Variants in CDH4 observed in about 807,000 individuals in gnomAD.
The protein encoded by CDH4 is cadherin-4.
In CDH4, 33 loss-of-function variants were observed where a neutral mutation model predicts 86.0. The observed-to-expected ratio is 0.38, with a 90% CI of 0.29 to 0.51. The LOEUF (loss-of-function observed/expected upper bound fraction) is 0.51, where lower values mean the gene tolerates loss of function less well. Ranked by LOEUF, CDH4 falls within the 20% of genes least tolerant of loss-of-function variation. The pLI, the probability that CDH4 is intolerant of heterozygous loss-of-function variation, is 0.86. For synonymous variants in CDH4, 555 were observed against 549.4 expected (o/e 1.01, Z -0.14); for missense variants, 1,114 against 1,307.4 (o/e 0.85, Z 2.28).
intron 4 of CDH4, among the ~76,000 whole-genome samples, chr20:61,821,384 C>A (rs1249310738): frequency 7.5e-6 from 1 of 134,228 alleles, no homozygotes; most frequent in Non-Finnish European, 1.6e-5. Flanking sequence ...CCTACGCAGC[C>A]CCCACCCCAG....
chr20:61,920,623 TGTGGTGTCACAGTGATTGCATGGAAGC>T, intron 9 of CDH4, among the ~76,000 whole-genome samples: 1 of 125,316 alleles, frequency 8.0e-6, no homozygotes, highest in East Asian at 2.3e-4. Flanking sequence ...TGCATGGAAG[TGTGGTGTCACAGTGATTGCATGGAAGC>T]GTGGTGTCAC....
chr20:61,680,763 CGGGAT>C (rs1196456319), intron 2 of CDH4, among the ~76,000 whole-genome samples: 2 of 152,174 alleles, frequency 1.3e-5, no homozygotes, highest in Non-Finnish European at 2.9e-5. Flanking sequence ...TCCGTCTCCC[CGGGAT>C]GCAGGACCTC....
At chr20:61,923,053 G>A (rs1049081150) in intron 9 of CDH4, among the ~76,000 whole-genome samples, 1 of 152,252 alleles carries the variant, frequency 6.6e-6, no homozygotes, top group Non-Finnish European at 1.5e-5. Flanking sequence ...CGCAACTGGT[G>A]AGGCCCCGCT....
intron 2 of CDH4, among the ~76,000 whole-genome samples, chr20:61,347,193 C>T (rs1449108381): frequency 3.3e-5 from 5 of 152,230 alleles, no homozygotes; most frequent in Non-Finnish European, 4.4e-5. Flanking sequence ...TAGCCTCGTG[C>T]CCCACATGGC....
chr20:61,452,465 C>T (rs899377846), intron 2 of CDH4, among the ~76,000 whole-genome samples: 7 of 152,228 alleles, frequency 4.6e-5, no homozygotes, highest in East Asian at 1.9e-4. Flanking sequence ...GCCACGTTTT[C>T]GATATTTATC....
chr20:61,566,543 G>A (rs910596224), intron 2 of CDH4, among the ~76,000 whole-genome samples: 3 of 152,038 alleles, frequency 2.0e-5, no homozygotes, highest in African/African-American at 4.8e-5. Context: ...GACAGGCCCC[G>A]CACATGGACA....
intron 7 of CDH4, among the ~76,000 whole-genome samples, chr20:61,885,018 C>T (rs989926007): frequency 6.6e-6 from 1 of 152,100 alleles, no homozygotes; most frequent in African/African-American, 2.4e-5. Context: ...CTGGCCAGAA[C>T]GACTGCCAGC....
rs1204362276 is a variant in CDH4 at position 61,910,627 on chromosome 20, C to T, written c.1374+20C>T. The T allele has an allele frequency of 6.2e-7, 1 of 1,604,352 alleles. No homozygotes were observed. The highest frequency in any genetic ancestry group is 8.5e-7 in the Non-Finnish European group (1 of 1,172,484). ...GTGAAGGTGCGTACTCTTCTCACACCCTGCCAGGCACCCCAAGTTCTGCCA... is the reference window on the plus strand; with the variant it reads ...GTGAAGGTGCGTACTCTTCTCACACTCTGCCAGGCACCCCAAGTTCTGCCA... On this transcript the variant is annotated intron_variant, in intron 9 of 15. Transcript: ENST00000614565.
intron 9 of CDH4, among the ~76,000 whole-genome samples, chr20:61,916,493 G>A (rs1211618768): frequency 1.3e-5 from 2 of 152,224 alleles, no homozygotes; most frequent in East Asian, 3.8e-4. Context: ...CTGAATCAAT[G>A]GTATTAGCTG....
At chr20:61,634,313 G>A (rs1345651161) in intron 2 of CDH4, among the ~76,000 whole-genome samples, 6 of 152,124 alleles carry the variant, frequency 3.9e-5, no homozygotes, top group East Asian at 1.9e-4. Context: ...AGCACCTTCC[G>A]AGCCCCCAGA....
chr20:61,881,327 A>G (rs1478153445), intron 7 of CDH4, among the ~76,000 whole-genome samples: 1 of 152,262 alleles, frequency 6.6e-6, no homozygotes, highest in African/African-American at 2.4e-5. Flanking sequence ...AGGAGGCTCC[A>G]TTCCAGCGGT....
At chr20:61,310,854 A>G (rs2084441720) in intron 2 of CDH4, among the ~76,000 whole-genome samples, 1 of 152,116 alleles carries the variant, frequency 6.6e-6, no homozygotes, top group Non-Finnish European at 1.5e-5. Context: ...CAGGGACACC[A>G]GTCACCTCAG....
intron 2 of CDH4, among the ~76,000 whole-genome samples, chr20:61,325,654 G>T (rs563142540): frequency 6.6e-6 from 1 of 151,838 alleles, no homozygotes; most frequent in East Asian, 1.9e-4. Flanking sequence ...GTGCGACTTG[G>T]GGGGGCCACA....
chr20:61,817,029 A>G (rs1980754330), intron 4 of CDH4, among the ~76,000 whole-genome samples: 1 of 152,220 alleles, frequency 6.6e-6, no homozygotes, highest in Non-Finnish European at 1.5e-5. Context: ...CGCATGGAAG[A>G]GCATCTGTTT....
In CDH4 at chr20:61,252,442, TCGGCGGCGGCGG is replaced by T. The variant is rs3048343; in HGVS notation, c.-58_-47del. ...GGCGATCGGAGCGGCGGCGGTGGTC[TCGGCGGCGGCGG>T]CGGCGGCGGCGGCAGGGAGCGGGCT... On this transcript the variant is annotated 5_prime_UTR_variant, in exon 1 of 16. Transcript: ENST00000614565. The surrounding 1 kb of genome is among the most constrained non-coding windows in gnomAD (Gnocchi z 4.4). 16 of 646,444 alleles carry T rather than the reference TCGGCGGCGGCGG, an allele frequency of 2.5e-5. No individual in the cohort carries two copies. The highest frequency in any genetic ancestry group is 2.1e-4 in the African/African-American group (10 of 46,796). 40.0% of individuals were successfully genotyped at this position (646,444 alleles called of 1,614,324 possible).
At chr20:61,358,317 T>C (rs28449200) in intron 2 of CDH4, among the ~76,000 whole-genome samples, 33,786 of 152,200 alleles carry the variant, frequency 0.22, 4,251 homozygotes, top group East Asian at 0.34. Flanking sequence ...GCACCAAGCC[T>C]TGTGCCCTGC....
chr20:61,426,036 T>C (rs922093131), intron 2 of CDH4, among the ~76,000 whole-genome samples: 5 of 152,380 alleles, frequency 3.3e-5, no homozygotes, highest in Admixed American at 2.6e-4. Context: ...CTGACCTCTC[T>C]GGTGAGACCA....
intron 2 of CDH4, among the ~76,000 whole-genome samples, chr20:61,322,902 T>A (rs2123245144): frequency 6.6e-6 from 1 of 152,304 alleles, no homozygotes; most frequent in East Asian, 1.9e-4. Context: ...GCTCTATCCC[T>A]GGTGTCCCCT....
intron 2 of CDH4, among the ~76,000 whole-genome samples, chr20:61,376,767 T>C (rs927681575): frequency 1.3e-5 from 2 of 152,208 alleles, no homozygotes; most frequent in African/African-American, 4.8e-5. Flanking sequence ...GGTGCTCACA[T>C]TCCCATGCTA....
Sources: gnomAD v4.1 joint callset for allele counts (sites outside exome capture counted in the v4.1 genomes callset) on GRCh38, gnomAD v4.1.1 for gene constraint, Gnocchi (gnomAD v3.1) non-coding constraint, MANE v1.5 for transcripts, NCBI Gene and HGNC (gene_info 2026-07-23, HGNC 2026-07-21) for gene names.